The following KCTD8 variants were observed in gnomAD, a reference collection of about 807,000 sequenced individuals.
The protein encoded by KCTD8 is BTB/POZ domain-containing protein KCTD8.
Under a neutral mutation model 31.5 loss-of-function variants are expected in KCTD8, and 27 were observed. That is an observed-to-expected ratio of 0.86 (90% confidence interval 0.63 to 1.18). KCTD8 has a LOEUF of 1.18. KCTD8 is among the 50% of genes most tolerant of loss of function. The probability of loss-of-function intolerance (pLI) is 0.00; values close to 1 mark genes in which losing one functional copy is unlikely to be tolerated. For synonymous variants in KCTD8, 290 were observed against 280.0 expected (o/e 1.04, Z -0.36); for missense variants, 658 against 647.7 (o/e 1.02, Z -0.17).
intron 1 of KCTD8, among the ~76,000 whole-genome samples, chr4:44,344,584 C>G (rs1269912210): frequency 6.6e-6 from 1 of 152,080 alleles, no homozygotes; most frequent in African/African-American, 2.4e-5. Context: ...AGATTTAGTT[C>G]CAAGACATCT....
At chr4:44,272,619 A>AGT (rs1170971595) in intron 1 of KCTD8, among the ~76,000 whole-genome samples, 2 of 152,108 alleles carry the variant, frequency 1.3e-5, no homozygotes, top group East Asian at 3.9e-4. Flanking sequence ...ACATCCGTGG[A>AGT]GTAGGTGCAT....
intron 1 of KCTD8, among the ~76,000 whole-genome samples, chr4:44,282,886 A>C (rs979034488): frequency 6.6e-6 from 1 of 152,074 alleles, no homozygotes; most frequent in Admixed American, 6.6e-5. Flanking sequence ...AGTTTGGTGC[A>C]TGAGGTTTAA....
intron 1 of KCTD8, among the ~76,000 whole-genome samples, chr4:44,288,956 G>A (rs1030454771): frequency 9.3e-5 from 14 of 151,132 alleles, no homozygotes; most frequent in African/African-American, 3.4e-4. Context: ...AACAATAAAG[G>A]ATTCAATTTT....
At chr4:44,447,465 G>A in intron 1 of KCTD8, 98 bp downstream of exon 1, 1 of 1,428,210 alleles carries the variant, frequency 7.0e-7, no homozygotes, top group Admixed American at 2.9e-5. Flanking sequence ...ACCAGCGCCT[G>A]CCCCGGACAC....
chr4:44,302,997 TTC>T (rs1355911533), intron 1 of KCTD8, among the ~76,000 whole-genome samples: 8 of 152,200 alleles, frequency 5.3e-5, no homozygotes, highest in Admixed American at 3.9e-4. Flanking sequence ...TTGTCTTTGG[TTC>T]TGTTTATATG....
intron 1 of KCTD8, among the ~76,000 whole-genome samples, chr4:44,296,562 A>T (rs546958721): frequency 6.6e-6 from 1 of 152,192 alleles, no homozygotes; most frequent in East Asian, 1.9e-4. Flanking sequence ...TATTTTTGTA[A>T]AAAATAAGGA....
At chr4:44,316,213 T>C (rs1718104378) in intron 1 of KCTD8, among the ~76,000 whole-genome samples, 1 of 152,194 alleles carries the variant, frequency 6.6e-6, no homozygotes, top group Non-Finnish European at 1.5e-5. Flanking sequence ...ATCTTAACTA[T>C]GTTGATTTTT....
At chr4:44,235,128 G>T (rs1239051600) in intron 1 of KCTD8, among the ~76,000 whole-genome samples, 3 of 150,114 alleles carry the variant, frequency 2.0e-5, no homozygotes, top group Non-Finnish European at 4.4e-5. Flanking sequence ...TGATGATGAT[G>T]ATTATACACT....
intron 1 of KCTD8, among the ~76,000 whole-genome samples, chr4:44,382,691 T>C (rs1200307792): frequency 2.0e-5 from 3 of 150,952 alleles, no homozygotes; most frequent in South Asian, 2.1e-4. Context: ...AATTGCACCA[T>C]TGCATACCAG....
chr4:44,442,464 G>A (rs1721836659), intron 1 of KCTD8, among the ~76,000 whole-genome samples: 1 of 152,040 alleles, frequency 6.6e-6, no homozygotes, highest in African/African-American at 2.4e-5. Flanking sequence ...GCAGGTGCCT[G>A]TAATCCCAGC....
intron 1 of KCTD8, among the ~76,000 whole-genome samples, chr4:44,285,282 C>G (rs901845767): frequency 6.6e-6 from 1 of 152,160 alleles, no homozygotes; most frequent in Non-Finnish European, 1.5e-5. Context: ...CCATGGAATA[C>G]TATGCACCCA....
intron 1 of KCTD8, among the ~76,000 whole-genome samples, chr4:44,369,069 A>C (rs1719714323): frequency 6.6e-6 from 1 of 152,154 alleles, no homozygotes; most frequent in Non-Finnish European, 1.5e-5. Flanking sequence ...CAGTATAAGG[A>C]AGACGTGGAA....
At chr4:44,346,963 G>T (rs1414109167) in intron 1 of KCTD8, among the ~76,000 whole-genome samples, 1 of 152,132 alleles carries the variant, frequency 6.6e-6, no homozygotes, top group African/African-American at 2.4e-5. Flanking sequence ...GAAGAAATAA[G>T]TCCAGTGTAT....
intron 1 of KCTD8, among the ~76,000 whole-genome samples, chr4:44,266,874 G>T (rs1399687215): frequency 6.6e-6 from 1 of 151,524 alleles, no homozygotes; most frequent in African/African-American, 2.4e-5. Flanking sequence ...CCCAATACAG[G>T]AGCACCCAGA....
intron 1 of KCTD8, among the ~76,000 whole-genome samples, chr4:44,271,751 C>G (rs186653298): frequency 3.7e-4 from 57 of 152,266 alleles, no homozygotes; most frequent in Non-Finnish European, 6.0e-4. Flanking sequence ...CGGCCCATCC[C>G]TTTGTTTCCC....
intron 1 of KCTD8, among the ~76,000 whole-genome samples, chr4:44,337,972 A>G (rs926858669): frequency 6.6e-6 from 1 of 152,004 alleles, no homozygotes; most frequent in African/African-American, 2.4e-5. Flanking sequence ...ACAGAATACT[A>G]TGCAGCAAAT....
chr4:44,423,801 T>A (rs911986897), intron 1 of KCTD8, among the ~76,000 whole-genome samples: 1 of 152,170 alleles, frequency 6.6e-6, no homozygotes, highest in African/African-American at 2.4e-5. Context: ...AGCAGATTCA[T>A]ACACTTCCCA....
intron 1 of KCTD8, among the ~76,000 whole-genome samples, chr4:44,252,461 A>G (rs1462725838): frequency 1.3e-5 from 2 of 151,808 alleles, no homozygotes; most frequent in African/African-American, 2.4e-5. Context: ...TAGTTGTACT[A>G]GTTTACATTC....
At position 44,291,973 on chromosome 4, in the gene KCTD8, A is replaced by C. The variant is rs546407304; in HGVS notation, c.962-116723T>G. Among the ~76,000 whole-genome samples, 1,487 of 151,324 alleles carry C rather than the reference A, an allele frequency of 9.8e-3. 35 individuals carry two copies. Among genetic ancestry groups the C allele is most frequent in the African/African-American group, 0.034 (1,389 of 41,260 alleles). On this transcript the variant is annotated intron_variant, in intron 1 of 1. Transcript: ENST00000360029. ...ATTGGCTATTATGAAAAAAAAAAAA[A>C]AAAAAAAAAACAGGTGTCAGTAAGG...
Sources: gnomAD v4.1 joint callset for allele counts (sites outside exome capture counted in the v4.1 genomes callset) on GRCh38, gnomAD v4.1.1 for gene constraint, MANE v1.5 for transcripts, NCBI Gene and HGNC (gene_info 2026-07-23, HGNC 2026-07-21) for gene names.